PDE1C: variants seen among roughly 807,000 people sequenced by gnomAD.
PDE1C encodes dual specificity calcium/calmodulin-dependent 3',5'-cyclic nucleotide phosphodiesterase 1C.
A neutral mutation model predicts 93.1 loss-of-function variants in PDE1C; 62 were observed. The ratio of observed to expected loss-of-function variants is 0.67; its 90% CI spans 0.54 to 0.82. PDE1C has a LOEUF of 0.82. Among genes scored for constraint, PDE1C ranks in the 40% least tolerant of loss-of-function variants. The probability of loss-of-function intolerance (pLI) is 0.00; values close to 1 mark genes in which losing one functional copy is unlikely to be tolerated. For missense variants in PDE1C, 742 were observed against 884.6 expected, an observed-to-expected ratio of 0.84 and a Z score of 2.04; for synonymous variants, 325 against 310.1, an observed-to-expected ratio of 1.05 and a Z score of -0.50.
At chr7:31,908,806 C>G (rs1398872988) in intron 2 of PDE1C, among the ~76,000 whole-genome samples, 2 of 152,134 alleles carry the variant, frequency 1.3e-5, no homozygotes, top group Non-Finnish European at 2.9e-5. Flanking sequence ...TGCAGTTATT[C>G]AATCAAACAC....
chr7:31,743,615 G>T, the PDE1C span, among the ~76,000 whole-genome samples: 1 of 151,638 alleles, frequency 6.6e-6, no homozygotes, highest in African/African-American at 2.4e-5. Flanking sequence ...CTGCAAAAAA[G>T]TAAAATAAAA....
chr7:31,799,965 A>G (rs914045392), intron 16 of PDE1C, among the ~76,000 whole-genome samples: 5 of 151,734 alleles, frequency 3.3e-5, no homozygotes, highest in African/African-American at 1.2e-4. Context: ...ATATCCCCTC[A>G]TACAAGCTTT....
intron 1 of PDE1C, among the ~76,000 whole-genome samples, chr7:32,355,111 C>T (rs1784006789): frequency 6.6e-6 from 1 of 152,266 alleles, no homozygotes; most frequent in South Asian, 2.1e-4. Context: ...TAGAAGGGTC[C>T]CAGGTAACTA....
At chr7:31,774,120 C>A (rs185323132) in intron 17 of PDE1C, among the ~76,000 whole-genome samples, 59 of 148,876 alleles carry the variant, frequency 4.0e-4, no homozygotes, top group Non-Finnish European at 3.0e-5. Flanking sequence ...GTAAAATGAA[C>A]TATTATTTCA....
chr7:31,808,909 G>C (rs1787201289), intron 16 of PDE1C, 122 bp downstream of exon 16: 3 of 586,436 alleles, frequency 5.1e-6, no homozygotes, highest in Non-Finnish European at 9.2e-6. Flanking sequence ...ATATAGTGAA[G>C]GGTTTTTTTC....
chr7:32,071,510 A>ATC, upstream of PDE1C: 2 of 623,536 alleles, frequency 3.2e-6, no homozygotes, highest in Non-Finnish European at 3.7e-6. Flanking sequence ...CCCCACCCCC[A>ATC]TCTCTCTCTC....
intron 9 of PDE1C, among the ~76,000 whole-genome samples, chr7:31,839,307 CAT>C (rs953185398): frequency 9.3e-5 from 14 of 150,478 alleles, no homozygotes; most frequent in South Asian, 2.1e-4. Context: ...AATATACACA[CAT>C]ATTATTTTAA....
At chr7:32,325,801 T>A (rs1783392735) in intron 1 of PDE1C, among the ~76,000 whole-genome samples, 1 of 152,200 alleles carries the variant, frequency 6.6e-6, no homozygotes, top group African/African-American at 2.4e-5. Context: ...TATACAATTA[T>A]AAGGACTTTT....
intron 3 of PDE1C, among the ~76,000 whole-genome samples, chr7:32,166,881 A>G (rs1802317022): frequency 6.6e-6 from 1 of 152,164 alleles, no homozygotes; most frequent in African/African-American, 2.4e-5. Flanking sequence ...GGGGTGATAA[A>G]GTAAGACTTA....
At chr7:32,017,535 T>A (rs1788069392) in intron 2 of PDE1C, among the ~76,000 whole-genome samples, 1 of 152,078 alleles carries the variant, frequency 6.6e-6, no homozygotes, top group South Asian at 2.1e-4. Context: ...GTGCTTTAAA[T>A]GATACCATCA....
In PDE1C at chr7:32,091,441, G is replaced by C. The variant is rs867466160; in HGVS notation, c.308+78344C>G. ...GTATATGGAGCAGGAAGGACACATT[G>C]CAATATTCATCAGGGTGGTTAGAGT... On this transcript the variant is annotated intron_variant, in intron 3 of 18. Transcript: ENST00000396193. Among the ~76,000 whole-genome samples, 22 of 152,318 alleles carry C rather than the reference G, an allele frequency of 1.4e-4. 3 individuals are homozygous for C. The highest frequency in any genetic ancestry group is 1.9e-4 in the African/African-American group (8 of 41,574).
the PDE1C span, among the ~76,000 whole-genome samples, chr7:31,705,200 C>A: frequency 0.37 from 56,826 of 151,922 alleles, 11,051 homozygotes; most frequent in East Asian, 0.68. Flanking sequence ...ATCCCAGGAA[C>A]TTTTGGGGAG....
At chr7:32,358,047 A>G (rs1441976622) in intron 1 of PDE1C, among the ~76,000 whole-genome samples, 1 of 152,190 alleles carries the variant, frequency 6.6e-6, no homozygotes, top group East Asian at 1.9e-4. Flanking sequence ...TGGACCGGAG[A>G]GCTACACTGT....
chr7:32,027,788 A>G (rs1026449770), intron 2 of PDE1C, among the ~76,000 whole-genome samples: 1 of 151,950 alleles, frequency 6.6e-6, no homozygotes, highest in Non-Finnish European at 1.5e-5. Context: ...AGGCTAATCT[A>G]GTGATTGCCA....
intron 1 of PDE1C, among the ~76,000 whole-genome samples, chr7:32,285,516 T>C (rs1811939178): frequency 6.6e-6 from 1 of 152,046 alleles, no homozygotes; most frequent in Non-Finnish European, 1.5e-5. Context: ...TTATTCAAAA[T>C]AAAATAGAAT....
At chr7:31,888,884 T>C (rs1331782814) in intron 2 of PDE1C, among the ~76,000 whole-genome samples, 2 of 151,986 alleles carry the variant, frequency 1.3e-5, no homozygotes, top group African/African-American at 2.4e-5. Context: ...TAAACAGCAA[T>C]AAACAATTAG....
At chr7:31,887,617 C>T (rs750398894) in intron 2 of PDE1C, among the ~76,000 whole-genome samples, 5 of 152,082 alleles carry the variant, frequency 3.3e-5, no homozygotes, top group Admixed American at 6.5e-5. Context: ...TGGCATGGAC[C>T]GGACACTGCA....
the PDE1C span, among the ~76,000 whole-genome samples, chr7:31,675,055 T>C: frequency 3.9e-5 from 6 of 152,158 alleles, no homozygotes; most frequent in African/African-American, 9.7e-5. Flanking sequence ...AGCAAGACCA[T>C]AGAGAGCCCC....
At chr7:31,651,895 G>T in the PDE1C span, 2 of 1,389,074 alleles carry the variant, frequency 1.4e-6, no homozygotes, top group Non-Finnish European at 1.0e-6. Flanking sequence ...ATTGCACCTG[G>T]GAAGGATTGT....
Sources: gnomAD v4.1 joint callset for allele counts (sites outside exome capture counted in the v4.1 genomes callset) on GRCh38, gnomAD v4.1.1 for gene constraint, MANE v1.5 for transcripts, NCBI Gene and HGNC (gene_info 2026-07-23, HGNC 2026-07-21) for gene names.